MTHFD1L: variants seen among roughly 807,000 people sequenced by gnomAD.
The protein encoded by MTHFD1L is monofunctional C1-tetrahydrofolate synthase, mitochondrial.
A neutral mutation model predicts 119.5 loss-of-function variants in MTHFD1L; 81 were observed. The ratio of observed to expected loss-of-function variants is 0.68; its 90% CI spans 0.57 to 0.82. The LOEUF is 0.82. MTHFD1L is among the 40% of genes least tolerant of loss of function. The probability of loss-of-function intolerance (pLI) is 0.00; values close to 1 mark genes in which losing one functional copy is unlikely to be tolerated. For missense variants in MTHFD1L, 1,125 were observed against 1,253.4 expected (o/e 0.90, Z 1.55); for synonymous variants, 430 against 475.2 (o/e 0.90, Z 1.24).
chr6:151,032,800 GA>G (rs1365725460), intron 24 of MTHFD1L, among the ~76,000 whole-genome samples: 1 of 152,072 alleles, frequency 6.6e-6, no homozygotes, highest in Non-Finnish European at 1.5e-5. Context: ...TTATTTGTTA[GA>G]ATATTCAATA....
In MTHFD1L at chr6:150,876,107, CA is replaced by C; in HGVS notation, c.249del (p.Glu84LysfsTer3). ...DSIVREVIQNSKEVLSLLQEK... is the reference protein window; with the variant it reads ...DSIVREVIQNXKEVLSLLQEK... ...CAATGTAGAGAAGTCATTCAGAATT[CA>C]AAAGAAGTTCTAAGTTTATTGCAAG... On this transcript the variant is annotated frameshift_variant, in exon 2 of 28. Coordinates refer to ENST00000367321, the MANE Select transcript of MTHFD1L (RefSeq NM_015440.5). LOFTEE classifies it high-confidence loss of function. The C allele has an allele frequency of 1.2e-6, 2 of 1,607,480 alleles. No homozygotes were observed. The highest frequency in any genetic ancestry group is 2.2e-5 in the South Asian group (2 of 89,470).
chr6:150,949,009 C>A (rs1243991419), intron 15 of MTHFD1L, 22 bp from the exon 16 acceptor site: 3 of 1,592,404 alleles, frequency 1.9e-6, no homozygotes, highest in South Asian at 2.2e-5. Context: ...AACTTCTCAC[C>A]TTTTTTCTTC....
At chr6:150,922,138 T>C (rs1789056814) in intron 9 of MTHFD1L, 67 bp from the exon 10 acceptor site, 5 of 1,099,520 alleles carry the variant, frequency 4.5e-6, no homozygotes, top group Non-Finnish European at 5.5e-6. Flanking sequence ...AATATTTCCA[T>C]GGTTTAAGTG....
chr6:151,048,311 G>A (rs1189614034), intron 26 of MTHFD1L, among the ~76,000 whole-genome samples: 1 of 152,100 alleles, frequency 6.6e-6, no homozygotes, highest in African/African-American at 2.4e-5. Context: ...GTTTACTGCA[G>A]TTACTTCCTT....
intron 25 of MTHFD1L, among the ~76,000 whole-genome samples, chr6:151,036,405 C>T (rs1786172112): frequency 6.6e-6 from 1 of 152,164 alleles, no homozygotes; most frequent in Admixed American, 6.5e-5. Context: ...TGCTCTTTCA[C>T]CTTTGGAACT....
intron 8 of MTHFD1L, among the ~76,000 whole-genome samples, chr6:150,917,170 C>T (rs1043822809): frequency 3.3e-5 from 5 of 152,110 alleles, no homozygotes; most frequent in Non-Finnish European, 5.9e-5. Context: ...TGCCTTCTCA[C>T]GCTTTGCATC....
chr6:150,970,672 A>G (rs898303155), intron 19 of MTHFD1L, among the ~76,000 whole-genome samples: 1 of 152,228 alleles, frequency 6.6e-6, no homozygotes, highest in Non-Finnish European at 1.5e-5. Flanking sequence ...AGTGTTCTGC[A>G]TGTAAAATAA....
chr6:151,010,495 A>G (rs76273462), intron 21 of MTHFD1L, among the ~76,000 whole-genome samples: 3 of 151,994 alleles, frequency 2.0e-5, no homozygotes, highest in African/African-American at 7.2e-5. Flanking sequence ...TCTCCTCACA[A>G]CTCTGTTATA....
chr6:151,079,389 A>C (rs1195196537), intron 26 of MTHFD1L, among the ~76,000 whole-genome samples: 2 of 151,932 alleles, frequency 1.3e-5, no homozygotes, highest in African/African-American at 2.4e-5. Context: ...GCCTTTCAGG[A>C]GTGGGAATGC....
At chr6:150,965,350 G>T (rs113361613) in intron 19 of MTHFD1L, among the ~76,000 whole-genome samples, 1 of 152,066 alleles carries the variant, frequency 6.6e-6, no homozygotes, top group Non-Finnish European at 1.5e-5. Context: ...TAATTGACCC[G>T]AGTAGAAACT....
intron 20 of MTHFD1L, among the ~76,000 whole-genome samples, chr6:151,003,508 G>A (rs997578142): frequency 3.3e-5 from 5 of 151,522 alleles, no homozygotes; most frequent in Non-Finnish European, 7.4e-5. Context: ...TTCCAGCCTG[G>A]GCAAAAAGAG....
intron 11 of MTHFD1L, among the ~76,000 whole-genome samples, chr6:150,931,268 C>CTT (rs370763551): frequency 9.4e-4 from 116 of 123,648 alleles, no homozygotes; most frequent in East Asian, 3.5e-3. Context: ...ATCATTTCAT[C>CTT]TTTTTTTTTT....
chr6:151,028,498 C>T (rs1209864102), intron 24 of MTHFD1L, among the ~76,000 whole-genome samples: 1 of 152,026 alleles, frequency 6.6e-6, no homozygotes, highest in Non-Finnish European at 1.5e-5. Flanking sequence ...GGAAGGACAC[C>T]TCCTATCACA....
At chr6:151,095,682 GTGCTAAGCACTT>G (rs1302180071) in intron 27 of MTHFD1L, among the ~76,000 whole-genome samples, 2 of 152,220 alleles carry the variant, frequency 1.3e-5, no homozygotes, top group African/African-American at 2.4e-5. Flanking sequence ...ATCGGGCATT[GTGCTAAGCACTT>G]TGCATGGGTG....
chr6:151,017,424 G>A (rs940734548), intron 24 of MTHFD1L, among the ~76,000 whole-genome samples: 7 of 151,628 alleles, frequency 4.6e-5, no homozygotes, highest in East Asian at 3.9e-4. Flanking sequence ...TCAGCTCACC[G>A]CAACCTTCTG....
chr6:150,921,817 G>A (rs1788994311), intron 9 of MTHFD1L, among the ~76,000 whole-genome samples: 3 of 152,264 alleles, frequency 2.0e-5, no homozygotes, highest in African/African-American at 7.2e-5. Context: ...AAATAACCCT[G>A]GATGTACATT....
chr6:151,097,775 A>T (rs1462936101), intron 27 of MTHFD1L, among the ~76,000 whole-genome samples: 1 of 152,208 alleles, frequency 6.6e-6, no homozygotes, highest in Non-Finnish European at 1.5e-5. Flanking sequence ...ATACCAACAT[A>T]CAGTAGTAAT....
At chr6:150,966,622 G>A (rs1344071320) in intron 19 of MTHFD1L, among the ~76,000 whole-genome samples, 2 of 152,100 alleles carry the variant, frequency 1.3e-5, no homozygotes, top group African/African-American at 4.8e-5. Flanking sequence ...CAGGAACCTC[G>A]AGACCAGCCT....
At chr6:150,955,381 G>A (rs764931899) in intron 16 of MTHFD1L, among the ~76,000 whole-genome samples, 1 of 151,930 alleles carries the variant, frequency 6.6e-6, no homozygotes, top group Non-Finnish European at 1.5e-5. Context: ...CCTGTTGGTC[G>A]CTTCCTCCTT....
Sources: gnomAD v4.1 joint callset for allele counts (sites outside exome capture counted in the v4.1 genomes callset) on GRCh38, gnomAD v4.1.1 for gene constraint, MANE v1.5 for transcripts, NCBI Gene and HGNC (gene_info 2026-07-23, HGNC 2026-07-21) for gene names.